Variants in DEFB110 observed in about 807,000 individuals in gnomAD.
DEFB110 encodes the protein defensin beta 110, also known as beta-defensin 110.
A neutral mutation model predicts 2.5 loss-of-function variants in DEFB110; 4 were observed. That is an observed-to-expected ratio of 1.60 (90% CI 0.79 to 3.66). The LOEUF is 3.66. Ranked by LOEUF, DEFB110 falls within the 30% of genes most tolerant of loss-of-function variation. DEFB110 has a pLI of 0.01. For missense variants in DEFB110, 94 were observed against 75.4 expected, an observed-to-expected ratio of 1.25 and a Z score of -0.91; for synonymous variants, 29 against 21.8, an observed-to-expected ratio of 1.33 and a Z score of -0.92.
At chr6:50,016,779 A>G (rs1430106345), downstream of DEFB110, among the ~76,000 whole-genome samples, 1 of 151,740 alleles carries the variant, frequency 6.6e-6, no homozygotes, top group East Asian at 1.9e-4. Context: ...TTCTCCTTCA[A>G]TTTTCTTAAA....
At chr6:50,011,199 A>C (rs967837946) in intron 1 of DEFB110, among the ~76,000 whole-genome samples, 2 of 151,472 alleles carry the variant, frequency 1.3e-5, no homozygotes, top group African/African-American at 4.8e-5. Context: ...ATATATATAT[A>C]TCAATATATA....
At chr6:50,014,743 C>T (rs1774288254), downstream of DEFB110, among the ~76,000 whole-genome samples, 1 of 151,666 alleles carries the variant, frequency 6.6e-6, no homozygotes, top group Non-Finnish European at 1.5e-5. Flanking sequence ...ATTCAATGAT[C>T]CAATTGAAGA....
chr6:50,013,613 A>C (rs1774267862), intron 1 of DEFB110, among the ~76,000 whole-genome samples: 1 of 151,834 alleles, frequency 6.6e-6, no homozygotes. Flanking sequence ...GTTTATTAAA[A>C]CAGTCTAAAT....
chr6:50,021,557 G>A (rs373655346), intron 1 of DEFB110, among the ~76,000 whole-genome samples: 1 of 152,142 alleles, frequency 6.6e-6, no homozygotes, highest in East Asian at 1.9e-4. Flanking sequence ...ATTCACAGAA[G>A]AGTTGCAAAG....
rs747187057 is a variant in DEFB110, at chr6:50,019,020, G to A, written c.161C>T (p.Ala54Val). The change falls in exon 2 of 2, where the codon GCT (alanine) becomes GTT (valine). Residue 54 changes from alanine to valine, a missense_variant. Coordinates refer to ENST00000371148, the MANE Select transcript of DEFB110 (RefSeq NM_001037497.2). ...NQCHENEIRI[A>V]YCIRPGTHCC... ...ATGAGTTCCAGGTCTTATGCAGTAAGCAATCCTAATTTCATTTTCATGACA... is the reference window on the plus strand; with the variant it reads ...ATGAGTTCCAGGTCTTATGCAGTAAACAATCCTAATTTCATTTTCATGACA... 6.2e-7 allele frequency: 1 copy of A among 1,613,052 alleles called. No individual in the cohort carries two copies. Among genetic ancestry groups the A allele is most frequent in the Admixed American group, 1.7e-5 (1 of 59,912 alleles).
chr6:50,011,865 G>A lies in DEFB110; in HGVS notation c.56-2594C>T, dbSNP rs555156604. On this transcript the variant is annotated intron_variant, in intron 1 of 1. Transcript: ENST00000393660. ...GAAGTTGAAGTCAAGGCAGAAGCAAGGCCGTGGGTCAGTTGAAAGTTTGAA... is the reference window on the plus strand; with the variant it reads ...GAAGTTGAAGTCAAGGCAGAAGCAAAGCCGTGGGTCAGTTGAAAGTTTGAA... 7.2e-5 allele frequency among the ~76,000 whole-genome samples: 11 copies of A among 152,142 alleles called. No homozygotes were observed. In the South Asian group the frequency reaches 1.5e-3, roughly 20 times the overall value.
chr6:50,018,849 G>T lies in DEFB110; in HGVS notation c.*128C>A, dbSNP rs1366835567. On this transcript the variant is annotated 3_prime_UTR_variant, in exon 2 of 2. Coordinates refer to ENST00000371148, the MANE Select transcript of DEFB110 (RefSeq NM_001037497.2). The stretch of plus-strand genomic sequence containing the variant: ...CGTGACATATGATCACTTCTGAATG[G>T]TTCAACATTAATTTTTATTTAGTTC... 4 of 1,432,612 alleles carry T rather than the reference G, an allele frequency of 2.8e-6. No homozygotes were observed. The highest frequency in any genetic ancestry group is 3.6e-6 in the Non-Finnish European group (4 of 1,099,654). 88.7% of individuals were successfully genotyped at this position (1,432,612 alleles called of 1,614,324 possible). A position where few individuals can be genotyped will look rare whatever the true frequency, so the allele number is the denominator to read the frequency against.
At chr6:50,017,323 C>G (rs1030216277), downstream of DEFB110, among the ~76,000 whole-genome samples, 2 of 151,772 alleles carry the variant, frequency 1.3e-5, no homozygotes, top group Admixed American at 1.3e-4. Context: ...GAAAATCTCA[C>G]TGATTTTTTT....
chr6:50,011,380 G>A (rs1158862837), intron 1 of DEFB110, among the ~76,000 whole-genome samples: 1 of 151,922 alleles, frequency 6.6e-6, no homozygotes, highest in Non-Finnish European at 1.5e-5. Context: ...TACATCACTG[G>A]AGAAATTGAG....
chr6:50,021,594 TTA>T (rs1488943394), intron 1 of DEFB110, among the ~76,000 whole-genome samples: 2 of 152,210 alleles, frequency 1.3e-5, no homozygotes, highest in African/African-American at 4.8e-5. Context: ...TCCACTTATG[TTA>T]TATATTGCAT....
chr6:50,015,521 A>C (rs1216860959), downstream of DEFB110, among the ~76,000 whole-genome samples: 6 of 151,712 alleles, frequency 4.0e-5, no homozygotes, highest in Admixed American at 1.3e-4. Context: ...GTATGCTCTT[A>C]TGAACACTTT....
chr6:50,013,718 A>G (rs1774269221), intron 1 of DEFB110, among the ~76,000 whole-genome samples: 1 of 151,860 alleles, frequency 6.6e-6, no homozygotes, highest in African/African-American at 2.4e-5. Context: ...ACATAGCCCA[A>G]TAGATAAGTT....
chr6:50,011,915 T>C (rs914909277), intron 1 of DEFB110, among the ~76,000 whole-genome samples: 10 of 152,068 alleles, frequency 6.6e-5, no homozygotes, highest in Non-Finnish European at 7.4e-5. Context: ...CAAAATCAGA[T>C]AGAATTAAGT....
At chr6:50,020,862 T>C (rs1218184020) in intron 1 of DEFB110, among the ~76,000 whole-genome samples, 3 of 152,212 alleles carry the variant, frequency 2.0e-5, no homozygotes, top group African/African-American at 7.2e-5. Context: ...TGAGGAGTTA[T>C]TATTATCAAA....
At chr6:50,009,823 C>T (rs1014689610) in intron 1 of DEFB110, among the ~76,000 whole-genome samples, 7 of 152,076 alleles carry the variant, frequency 4.6e-5, no homozygotes, top group Non-Finnish European at 1.5e-5. Flanking sequence ...TTTTGTCATA[C>T]ACTGCCTATC....
intron 1 of DEFB110, among the ~76,000 whole-genome samples, chr6:50,021,507 T>G (rs1259104211): frequency 2.6e-5 from 4 of 152,230 alleles, no homozygotes; most frequent in African/African-American, 9.6e-5. Flanking sequence ...TCTCTCTCCA[T>G]TTCTGTCTCA....
At position 50,020,880 on chromosome 6, in the gene DEFB110, G is replaced by A. The variant is rs566189552; in HGVS notation, c.55+1001C>T. On this transcript the variant is annotated intron_variant, in intron 1 of 1. Transcript: ENST00000371148. ...GGAGTTATTATTATCAAACCCATAT[G>A]TGATTACCCGTGACAGACACCTGAA... Among the ~76,000 whole-genome samples, 8 of 152,236 alleles carry A rather than the reference G, an allele frequency of 5.3e-5. No homozygotes were observed. The South Asian group carries it at 6.2e-4, about 12-fold the overall frequency.
At chr6:50,019,474 C>G (rs796908337) in intron 1 of DEFB110, among the ~76,000 whole-genome samples, 4 of 152,096 alleles carry the variant, frequency 2.6e-5, no homozygotes, top group African/African-American at 9.7e-5. Flanking sequence ...TCTGCTCTCA[C>G]TAACATTATT....
downstream of DEFB110, among the ~76,000 whole-genome samples, chr6:50,018,447 G>A (rs986101940): frequency 7.9e-5 from 12 of 151,560 alleles, no homozygotes; most frequent in Non-Finnish European, 1.6e-4. Context: ...TTCTTCTCTG[G>A]TCTTCCATTC....
Sources: allele counts gnomAD v4.1 joint callset (sites outside exome capture counted in the v4.1 genomes callset), GRCh38; gene constraint gnomAD v4.1.1; transcripts MANE v1.5; gene names NCBI Gene and HGNC (gene_info 2026-07-23, HGNC 2026-07-21).